The following CHRM3 variants were observed in gnomAD, a reference collection of about 807,000 sequenced individuals.
CHRM3 encodes muscarinic acetylcholine receptor M3.
A neutral mutation model predicts 41.8 loss-of-function variants in CHRM3; 11 were observed. The ratio of observed to expected loss-of-function variants is 0.26; its 90% CI spans 0.17 to 0.44. The LOEUF (loss-of-function observed/expected upper bound fraction) is 0.44. CHRM3 is among the 20% of genes least tolerant of loss of function. CHRM3 has a pLI of 1.00. For synonymous variants in CHRM3, 297 were observed against 301.4 expected (o/e 0.99, Z 0.15); for missense variants, 571 against 745.4 (o/e 0.77, Z 2.72).
At chr1:239,878,429 T>A (rs1677301578) in intron 6 of CHRM3, among the ~76,000 whole-genome samples, 1 of 152,032 alleles carries the variant, frequency 6.6e-6, no homozygotes. Context: ...CAGGCAGTCA[T>A]GAGAGTAATG....
chr1:239,485,561 T>C (rs1558258433), intron 1 of CHRM3, among the ~76,000 whole-genome samples: 1 of 152,172 alleles, frequency 6.6e-6, no homozygotes, highest in Non-Finnish European at 1.5e-5. Flanking sequence ...ATTACAGGCA[T>C]GAGCCACCAC....
At chr1:239,590,526 T>A (rs576126311) in intron 3 of CHRM3, among the ~76,000 whole-genome samples, 1 of 152,338 alleles carries the variant, frequency 6.6e-6, no homozygotes, top group South Asian at 2.1e-4. Context: ...TTTGATAAGA[T>A]GAACTTTTAT....
chr1:239,662,695 G>A (rs1288334264), intron 4 of CHRM3, among the ~76,000 whole-genome samples: 1 of 151,964 alleles, frequency 6.6e-6, no homozygotes, highest in East Asian at 1.9e-4. Flanking sequence ...TTCTGCAATG[G>A]ATATTAATAA....
intron 3 of CHRM3, among the ~76,000 whole-genome samples, chr1:239,571,984 T>C (rs1661871263): frequency 6.6e-6 from 1 of 152,170 alleles, no homozygotes; most frequent in Non-Finnish European, 1.5e-5. Context: ...CATTTAATTA[T>C]AAAACTACCA....
intron 6 of CHRM3, among the ~76,000 whole-genome samples, chr1:239,841,278 G>T (rs1012560968): frequency 3.9e-5 from 6 of 152,126 alleles, no homozygotes; most frequent in African/African-American, 1.4e-4. Flanking sequence ...GTGACAATTT[G>T]TTAGAAGTTT....
chr1:239,583,203 C>T (rs147185296), intron 3 of CHRM3, among the ~76,000 whole-genome samples: 22 of 152,142 alleles, frequency 1.4e-4, no homozygotes, highest in African/African-American at 5.3e-4. Context: ...GTGAACCATA[C>T]GGGAAGGCAG....
At chr1:239,455,794 T>G (rs1227992256) in intron 1 of CHRM3, among the ~76,000 whole-genome samples, 1 of 151,998 alleles carries the variant, frequency 6.6e-6, no homozygotes, top group Non-Finnish European at 1.5e-5. Context: ...AGAAAAAAAT[T>G]TTAAATAAAT....
At chr1:239,686,438 C>A (rs1239061729) in intron 5 of CHRM3, among the ~76,000 whole-genome samples, 1 of 152,174 alleles carries the variant, frequency 6.6e-6, no homozygotes, top group African/African-American at 2.4e-5. Context: ...TTGGTGTTCA[C>A]CTTCAAGACT....
intron 1 of CHRM3, among the ~76,000 whole-genome samples, chr1:239,388,110 G>C (rs1658692743): frequency 6.6e-6 from 1 of 152,142 alleles, no homozygotes; most frequent in African/African-American, 2.4e-5. Flanking sequence ...TTTGGAAGTG[G>C]TAGAGGCAGC....
chr1:239,494,126 G>A (rs760159180), intron 2 of CHRM3, among the ~76,000 whole-genome samples: 51 of 152,108 alleles, frequency 3.4e-4, no homozygotes, highest in Non-Finnish European at 5.4e-4. Context: ...GCATTATTTA[G>A]AACTTTCTAG....
chr1:239,589,551 C>T (rs1486483684), intron 3 of CHRM3, among the ~76,000 whole-genome samples: 1 of 146,518 alleles, frequency 6.8e-6, no homozygotes, highest in African/African-American at 2.5e-5. Context: ...AATTTCCATG[C>T]ATTAATATGT....
At chr1:239,722,337 T>C (rs1663050331) in intron 5 of CHRM3, among the ~76,000 whole-genome samples, 1 of 151,934 alleles carries the variant, frequency 6.6e-6, no homozygotes, top group Non-Finnish European at 1.5e-5. Context: ...ATTGGCCTTA[T>C]GTGCCTACCC....
At chr1:239,727,943 C>CT (rs1370464681) in intron 5 of CHRM3, 1 of 151,898 alleles carries the variant, frequency 6.6e-6, no homozygotes, top group Non-Finnish European at 1.5e-5. Flanking sequence ...TTACACTTGT[C>CT]GTGCTGTAAG....
chr1:239,742,148 A>G (rs1034139897), intron 5 of CHRM3, among the ~76,000 whole-genome samples: 1 of 152,046 alleles, frequency 6.6e-6, no homozygotes, highest in Non-Finnish European at 1.5e-5. Flanking sequence ...TACAAAGTCA[A>G]TTTTATAATA....
At chr1:239,448,901 A>G (rs1392275752) in intron 1 of CHRM3, among the ~76,000 whole-genome samples, 1 of 152,180 alleles carries the variant, frequency 6.6e-6, no homozygotes, top group Non-Finnish European at 1.5e-5. Context: ...CAACATTAGG[A>G]TTTGAGGACT....
At chr1:239,562,241 G>A (rs1398957654) in intron 3 of CHRM3, among the ~76,000 whole-genome samples, 1 of 152,164 alleles carries the variant, frequency 6.6e-6, no homozygotes, top group Non-Finnish European at 1.5e-5. Flanking sequence ...ATGTGTTAGA[G>A]ACAATACCCA....
intron 6 of CHRM3, among the ~76,000 whole-genome samples, chr1:239,851,169 C>T (rs112373485): frequency 7.8e-4 from 118 of 152,242 alleles, no homozygotes; most frequent in Middle Eastern, 3.4e-3. Flanking sequence ...AATTATGCTT[C>T]ATTTTGAAGT....
intron 5 of CHRM3, among the ~76,000 whole-genome samples, chr1:239,701,042 C>T (rs1358544966): frequency 6.6e-6 from 1 of 152,140 alleles, no homozygotes; most frequent in Non-Finnish European, 1.5e-5. Flanking sequence ...TGTTTCTACC[C>T]TTTACTTTTA....
chr1:239,851,649 T>C (rs1454844475), intron 6 of CHRM3, among the ~76,000 whole-genome samples: 2 of 152,208 alleles, frequency 1.3e-5, no homozygotes, highest in Non-Finnish European at 2.9e-5. Flanking sequence ...TGACACCTTC[T>C]TGGGGACCCA....
Sources: allele counts gnomAD v4.1 joint callset (sites outside exome capture counted in the v4.1 genomes callset), GRCh38; gene constraint gnomAD v4.1.1; transcripts MANE v1.5; gene names NCBI Gene and HGNC (gene_info 2026-07-23, HGNC 2026-07-21).